Variants in SORCS2 observed in about 807,000 individuals in gnomAD.
SORCS2 encodes the protein VPS10 domain-containing receptor SorCS2.
SORCS2 carries 100 observed loss-of-function variants against 141.6 expected under a neutral mutation model. The observed-to-expected ratio is 0.71, with a 90% confidence interval of 0.60 to 0.83. The LOEUF is 0.83. Ranked by LOEUF, SORCS2 falls within the 40% of genes least tolerant of loss-of-function variation. The probability of loss-of-function intolerance (pLI) is 0.00; values close to 1 mark genes in which losing one functional copy is unlikely to be tolerated. For missense variants in SORCS2, 1,646 were observed against 1,560.2 expected (o/e 1.05, Z -0.93); for synonymous variants, 789 against 676.9 (o/e 1.17, Z -2.57).
intron 2 of SORCS2, among the ~76,000 whole-genome samples, chr4:7,531,178 C>T (rs1296958320): frequency 1.3e-5 from 2 of 152,226 alleles, no homozygotes; most frequent in African/African-American, 4.8e-5. Context: ...CCTTTGGAGG[C>T]TTCTCTGGTC....
chr4:7,495,770 C>T (rs1396060319), intron 2 of SORCS2, among the ~76,000 whole-genome samples: 1 of 152,204 alleles, frequency 6.6e-6, no homozygotes, highest in Non-Finnish European at 1.5e-5. Context: ...AGGCCCTCTG[C>T]ACTTCTCCCT....
chr4:7,623,920 C>A (rs906420480), intron 3 of SORCS2, among the ~76,000 whole-genome samples: 1 of 152,168 alleles, frequency 6.6e-6, no homozygotes, highest in South Asian at 2.1e-4. Flanking sequence ...ATATCCACCT[C>A]TGCAGCAGCT....
intron 2 of SORCS2, among the ~76,000 whole-genome samples, chr4:7,425,847 T>C (rs1173488906): frequency 6.6e-6 from 1 of 152,188 alleles, no homozygotes; most frequent in Non-Finnish European, 1.5e-5. Context: ...GGACGGCCCA[T>C]TGGATGGGGC....
At chr4:7,507,924 C>CA (rs1732374870) in intron 2 of SORCS2, among the ~76,000 whole-genome samples, 1 of 152,164 alleles carries the variant, frequency 6.6e-6, no homozygotes, top group East Asian at 1.9e-4. Flanking sequence ...ACTTCAGTGA[C>CA]AAAAAACTCA....
intron 1 of SORCS2, among the ~76,000 whole-genome samples, chr4:7,219,535 G>T (rs897212731): frequency 6.6e-6 from 1 of 152,216 alleles, no homozygotes; most frequent in Non-Finnish European, 1.5e-5. Context: ...GAGGCCTCAG[G>T]AAACTTACGA....
At chr4:7,434,183 C>T in intron 2 of SORCS2, 1 of 1,613,848 alleles carries the variant, frequency 6.2e-7, no homozygotes, top group Non-Finnish European at 8.5e-7. Flanking sequence ...TCAGCAGGGA[C>T]AAAAAACTGG....
intron 2 of SORCS2, among the ~76,000 whole-genome samples, chr4:7,524,055 T>G (rs1432305943): frequency 6.6e-6 from 1 of 152,162 alleles, no homozygotes; most frequent in Non-Finnish European, 1.5e-5. Flanking sequence ...AGAGTCTTCC[T>G]CATGTAGAAT....
At chr4:7,367,734 C>T (rs1403242582) in intron 1 of SORCS2, among the ~76,000 whole-genome samples, 1 of 152,212 alleles carries the variant, frequency 6.6e-6, no homozygotes, top group Non-Finnish European at 1.5e-5. Flanking sequence ...TCTGTGAAAG[C>T]GTGCATTGAA....
chr4:7,206,245 TA>T (rs1185169787), intron 1 of SORCS2, among the ~76,000 whole-genome samples: 4 of 151,946 alleles, frequency 2.6e-5, no homozygotes, highest in African/African-American at 9.7e-5. Flanking sequence ...CCACTAAGGG[TA>T]TGGACTCCAG....
At chr4:7,213,191 G>C (rs182783828) in intron 1 of SORCS2, among the ~76,000 whole-genome samples, 1 of 152,366 alleles carries the variant, frequency 6.6e-6, no homozygotes, top group Admixed American at 6.5e-5. Context: ...ACAACCCCTG[G>C]CATGTGGTCC....
In SORCS2 at chr4:7,207,650, G is replaced by T. The variant is rs558957186; in HGVS notation, c.480+14524G>T. Among the ~76,000 whole-genome samples, 3 of 152,336 alleles carry T rather than the reference G, an allele frequency of 2.0e-5. No individual in the cohort carries two copies. In the East Asian group the frequency reaches 5.8e-4, roughly 29 times the overall value. On this transcript the variant is annotated intron_variant, in intron 1 of 26. Coordinates refer to ENST00000507866, the MANE Select transcript of SORCS2 (RefSeq NM_020777.3). ...AGCGATGCAGGAGCGAGCTTCTTCA[G>T]TCCCAGGGAAGACTGCACTGTTGTC...
rs555730190 is a variant in SORCS2 at position 7,429,933 on chromosome 4, C to G, written c.548+33578C>G. Among the ~76,000 whole-genome samples the G allele has an allele frequency of 2.0e-5, 3 of 152,300 alleles. No homozygotes were observed. In the East Asian group the frequency reaches 5.8e-4, roughly 29 times the overall value. On this transcript the variant is annotated intron_variant, in intron 2 of 26. Transcript: ENST00000507866. ...TGTGGGAGGTGGGCCATGAGGGAAG[C>G]CAGCCCAGCTCCTGGAGCCATGCCC... is the stretch of plus-strand genomic sequence containing the variant.
rs922598944 is a variant in SORCS2 at position 7,714,358 on chromosome 4, A to G, written c.2108A>G (p.Asp703Gly). The part of the protein sequence containing the change: ...ALTSRVCECR[D>G]SDFLCDYGFE... ...ACGTCCCGCGTGTGCGAGTGCCGGG[A>G]CTCGGACTTCCTGTGGTGAGCGACG... Residue 703 changes from aspartate (D) to glycine (G), a missense_variant, in exon 16 of 27, where the codon GAC becomes GGC. Coordinates refer to ENST00000507866, the MANE Select transcript of SORCS2 (RefSeq NM_020777.3). The G allele has an allele frequency of 1.2e-5, 18 of 1,555,420 alleles. No homozygotes were observed. The highest frequency in any genetic ancestry group is 1.6e-5 in the Non-Finnish European group (18 of 1,149,284).
At chr4:7,453,291 T>G (rs551590675) in intron 2 of SORCS2, among the ~76,000 whole-genome samples, 1 of 133,334 alleles carries the variant, frequency 7.5e-6, no homozygotes, top group East Asian at 2.4e-4. Flanking sequence ...TCAGGAGCTG[T>G]GTGTTGGGGT....
In SORCS2 at chr4:7,610,986, G is replaced by A. The variant is rs556742559; in HGVS notation, c.649-27342G>A. Among the ~76,000 whole-genome samples, 27 of 152,204 alleles carry A rather than the reference G, an allele frequency of 1.8e-4. No homozygotes were observed. The South Asian group carries it at 3.9e-3, about 22-fold the overall frequency. On this transcript the variant is annotated intron_variant, in intron 3 of 26. Coordinates refer to ENST00000507866, the MANE Select transcript of SORCS2 (RefSeq NM_020777.3). ...CATCTCCAGGCATCAGCCCACTCCC[G>A]CACGCGTGCAGACACACAGACACTG...
chr4:7,660,836 A>T (rs916013473), intron 5 of SORCS2, among the ~76,000 whole-genome samples: 1 of 152,108 alleles, frequency 6.6e-6, no homozygotes, highest in Non-Finnish European at 1.5e-5. Flanking sequence ...AGCCTTCGCC[A>T]CCTCACGAAA....
At chr4:7,457,306 C>A (rs1269412963) in intron 2 of SORCS2, among the ~76,000 whole-genome samples, 1 of 152,242 alleles carries the variant, frequency 6.6e-6, no homozygotes, top group Non-Finnish European at 1.5e-5. Flanking sequence ...AAAGGACATG[C>A]AGCCAGGCCT....
chr4:7,349,266 A>G (rs1013214320), intron 1 of SORCS2, among the ~76,000 whole-genome samples: 1 of 152,188 alleles, frequency 6.6e-6, no homozygotes. Flanking sequence ...CGTAGGGAGC[A>G]GAAGGCCCCT....
intron 2 of SORCS2, among the ~76,000 whole-genome samples, chr4:7,519,160 G>A (rs1427734196): frequency 6.6e-6 from 1 of 152,216 alleles, no homozygotes. Context: ...TCTGCATGCC[G>A]AGGGGAGCAC....
Sources: allele counts gnomAD v4.1 joint callset (sites outside exome capture counted in the v4.1 genomes callset), GRCh38; gene constraint gnomAD v4.1.1; transcripts MANE v1.5; gene names NCBI Gene and HGNC (gene_info 2026-07-23, HGNC 2026-07-21).